The following NRG1 variants were observed in gnomAD, a reference collection of about 807,000 sequenced individuals.
The protein encoded by NRG1 is pro-neuregulin-1, membrane-bound isoform.
A neutral mutation model predicts 63.8 loss-of-function variants in NRG1; 18 were observed. The observed-to-expected ratio is 0.28, with a 90% CI of 0.19 to 0.42. The LOEUF (loss-of-function observed/expected upper bound fraction) is 0.42. Ranked by LOEUF, NRG1 falls within the 10% of genes least tolerant of loss-of-function variation. NRG1 has a pLI of 1.00. For missense variants in NRG1, 762 were observed against 814.7 expected (o/e 0.94, Z 0.79); for synonymous variants, 302 against 301.3 (o/e 1.00, Z -0.02).
At chr8:31,724,487 A>C (rs1813230343) in intron 1 of NRG1, among the ~76,000 whole-genome samples, 1 of 152,148 alleles carries the variant, frequency 6.6e-6, no homozygotes, top group South Asian at 2.1e-4. Flanking sequence ...AGTTAATATC[A>C]TCAGGCAGAA....
At chr8:32,235,805 A>G (rs1315926226) in intron 1 of NRG1, among the ~76,000 whole-genome samples, 1 of 152,174 alleles carries the variant, frequency 6.6e-6, no homozygotes, top group Non-Finnish European at 1.5e-5. Flanking sequence ...AGGGCTAACA[A>G]AAAAATCTGT....
At chr8:32,210,581 AC>A (rs1392254394) in intron 1 of NRG1, among the ~76,000 whole-genome samples, 3 of 152,326 alleles carry the variant, frequency 2.0e-5, no homozygotes, top group Admixed American at 6.5e-5. Flanking sequence ...CAGCCACGGT[AC>A]AACCAGCTCT....
intron 1 of NRG1, among the ~76,000 whole-genome samples, chr8:31,701,445 C>A (rs541025456): frequency 6.6e-6 from 1 of 152,194 alleles, no homozygotes; most frequent in East Asian, 1.9e-4. Flanking sequence ...GAACTTAATT[C>A]TTTGTTTGAG....
chr8:31,940,029 ACT>A (rs906693291), intron 1 of NRG1, among the ~76,000 whole-genome samples: 1 of 152,008 alleles, frequency 6.6e-6, no homozygotes, highest in Non-Finnish European at 1.5e-5. Flanking sequence ...AAGTCAACAA[ACT>A]CTAGCCTGCA....
chr8:32,106,160 G>A (rs1456124740), intron 1 of NRG1, among the ~76,000 whole-genome samples: 1 of 152,178 alleles, frequency 6.6e-6, no homozygotes, highest in Non-Finnish European at 1.5e-5. Flanking sequence ...GTGGAATCTT[G>A]CCTGTGTCTC....
chr8:32,429,976 C>A (rs1817925868), intron 1 of NRG1, among the ~76,000 whole-genome samples: 1 of 152,234 alleles, frequency 6.6e-6, no homozygotes, highest in East Asian at 1.9e-4. Context: ...AAAGGTTAAA[C>A]CTGAATGTGA....
At chr8:32,105,969 C>A (rs575845666) in intron 1 of NRG1, among the ~76,000 whole-genome samples, 1 of 152,224 alleles carries the variant, frequency 6.6e-6, no homozygotes, top group South Asian at 2.1e-4. Context: ...TTAATGTTAT[C>A]CCACTATAGA....
chr8:31,717,573 T>C (rs1443846246), intron 1 of NRG1, among the ~76,000 whole-genome samples: 2 of 152,170 alleles, frequency 1.3e-5, no homozygotes, highest in East Asian at 3.9e-4. Flanking sequence ...AAGTGGGACA[T>C]GCATTGTGTT....
At chr8:32,204,101 G>T (rs1843771964) in intron 1 of NRG1, among the ~76,000 whole-genome samples, 1 of 152,184 alleles carries the variant, frequency 6.6e-6, no homozygotes, top group Non-Finnish European at 1.5e-5. Flanking sequence ...ATGTTCAAAG[G>T]AGAGAATGGG....
chr8:32,552,229 T>A (rs1380037144), intron 1 of NRG1, among the ~76,000 whole-genome samples: 38 of 128,758 alleles, frequency 3.0e-4, no homozygotes, highest in East Asian at 1.5e-3. Context: ...TTTTTTTTTT[T>A]AATTTTTGGC....
intron 1 of NRG1, among the ~76,000 whole-genome samples, chr8:32,137,928 A>C (rs1158450808): frequency 6.6e-6 from 1 of 152,202 alleles, no homozygotes; most frequent in African/African-American, 2.4e-5. Flanking sequence ...AGATTGTATT[A>C]AGATTTAAGT....
chr8:32,331,694 T>C (rs1802675468), intron 1 of NRG1, among the ~76,000 whole-genome samples: 1 of 152,084 alleles, frequency 6.6e-6, no homozygotes, highest in Non-Finnish European at 1.5e-5. Context: ...AAAGGAAGTG[T>C]GAGTAACAAG....
intron 1 of NRG1, among the ~76,000 whole-genome samples, chr8:32,131,250 T>C (rs1307389193): frequency 3.3e-5 from 5 of 151,954 alleles, no homozygotes; most frequent in Non-Finnish European, 7.4e-5. Flanking sequence ...GCAGTTATGC[T>C]CTCATTTTCA....
At chr8:32,434,715 A>C (rs17642273) in intron 1 of NRG1, among the ~76,000 whole-genome samples, 15,670 of 152,220 alleles carry the variant, frequency 0.1, 1,026 homozygotes, top group South Asian at 0.16. Flanking sequence ...AAAATAACTT[A>C]CAGGAGATTG....
chr8:31,878,218 A>G (rs1439713832), intron 1 of NRG1, among the ~76,000 whole-genome samples: 1 of 152,098 alleles, frequency 6.6e-6, no homozygotes, highest in Admixed American at 6.5e-5. Context: ...GTTTTTTTCT[A>G]TTGCTATATA....
intron 6 of NRG1, among the ~76,000 whole-genome samples, chr8:32,735,550 A>C (rs1824809160): frequency 6.6e-6 from 1 of 152,200 alleles, no homozygotes; most frequent in Non-Finnish European, 1.5e-5. Context: ...AGAACCCCTA[A>C]GCTGTTTGAC....
intron 1 of NRG1, among the ~76,000 whole-genome samples, chr8:32,467,870 A>G (rs1473001433): frequency 6.6e-6 from 1 of 152,110 alleles, no homozygotes; most frequent in African/African-American, 2.4e-5. Context: ...GCTTTTCAGG[A>G]CTGTTGATTG....
chr8:32,394,145 A>C (rs1386974864), intron 1 of NRG1, among the ~76,000 whole-genome samples: 1 of 152,108 alleles, frequency 6.6e-6, no homozygotes, highest in Non-Finnish European at 1.5e-5. Context: ...GTCTAGAATA[A>C]ACTCTGTGTT....
intron 1 of NRG1, among the ~76,000 whole-genome samples, chr8:32,516,391 G>C (rs1829827592): frequency 6.6e-6 from 1 of 152,060 alleles, no homozygotes; most frequent in Admixed American, 6.6e-5. Context: ...TTTTTGCTTA[G>C]GATTGCTTTA....
Sources: allele counts gnomAD v4.1 joint callset (sites outside exome capture counted in the v4.1 genomes callset), GRCh38; gene constraint gnomAD v4.1.1; transcripts MANE v1.5; gene names NCBI Gene and HGNC (gene_info 2026-07-23, HGNC 2026-07-21).